Variants in FLOT1 observed in about 807,000 individuals in gnomAD.
FLOT1 encodes flotillin 1, also known as flotillin-1.
In FLOT1, 40 loss-of-function variants were observed where a neutral mutation model predicts 58.4. The ratio of observed to expected loss-of-function variants is 0.69; its 90% CI spans 0.53 to 0.89. The LOEUF (loss-of-function observed/expected upper bound fraction) is 0.89, where lower values mean the gene tolerates loss of function less well. Among genes scored for constraint, FLOT1 ranks in the 40% least tolerant of loss-of-function variants. FLOT1 has a pLI of 0.00. For synonymous variants in FLOT1, 178 were observed against 204.2 expected (o/e 0.87, Z 1.09); for missense variants, 423 against 540.8 (o/e 0.78, Z 2.16).
At chr6:30,732,258 C>T (rs1053804249) in intron 8 of FLOT1, among the ~76,000 whole-genome samples, 7 of 152,078 alleles carry the variant, frequency 4.6e-5, no homozygotes, top group Non-Finnish European at 8.8e-5. Context: ...CATGAGCCAT[C>T]GCACCCAGCC....
chr6:30,736,449 G>A (rs1418684557), intron 8 of FLOT1: 3 of 147,770 alleles, frequency 2.0e-5, no homozygotes, highest in African/African-American at 5.0e-5. Flanking sequence ...ATTTTAGATC[G>A]CGCCACTGCA....
At chr6:30,731,442 G>A (rs1247573951) in intron 8 of FLOT1, among the ~76,000 whole-genome samples, 2 of 136,406 alleles carry the variant, frequency 1.5e-5, no homozygotes, top group South Asian at 2.3e-4. Context: ...CTGGGATCAC[G>A]CCACTGCACT....
In FLOT1 at chr6:30,728,043, TG is replaced by T. The variant is rs1232060713; in HGVS notation, c.*72del. On this transcript the variant is annotated 3_prime_UTR_variant, in exon 13 of 13. Transcript: ENST00000376389. ...CAATGGACATGCTCAGGGAGGCCAG[TG>T]GGTTACATGCAACAGGAGGATCATT... 2 of 1,381,128 alleles carry T rather than the reference TG, an allele frequency of 1.4e-6. No individual in the cohort carries two copies. The highest frequency in any genetic ancestry group is 2.1e-6 in the Non-Finnish European group (2 of 969,232). 85.6% of individuals were successfully genotyped at this position (1,381,128 alleles called of 1,614,324 possible). A position where few individuals can be genotyped will look rare whatever the true frequency, so the allele number is the denominator to read the frequency against.
chr6:30,730,849 G>T (rs1186097316), intron 9 of FLOT1, 70 bp downstream of exon 9: 8 of 1,596,242 alleles, frequency 5.0e-6, no homozygotes, highest in Non-Finnish European at 6.0e-6. Flanking sequence ...GGTGGTGAAG[G>T]CTTCAGCACT....
intron 8 of FLOT1, among the ~76,000 whole-genome samples, chr6:30,736,921 A>G (rs1287596909): frequency 6.6e-6 from 1 of 151,868 alleles, no homozygotes; most frequent in African/African-American, 2.4e-5. Flanking sequence ...CGTTCTCCAC[A>G]AGGCAACCAG....
chr6:30,736,292 G>C (rs1777559048), intron 8 of FLOT1: 2 of 151,832 alleles, frequency 1.3e-5, no homozygotes, highest in Admixed American at 1.3e-4. Context: ...GAGAAGGAAA[G>C]AAAGGAAGAA....
chr6:30,741,278 AG>A lies in FLOT1; in HGVS notation c.265del (p.Leu89TrpfsTer16), dbSNP rs1777958388. 11 of 1,612,968 alleles carry A rather than the reference AG, an allele frequency of 6.8e-6. No homozygotes were observed. Among genetic ancestry groups the A allele is most frequent in the Non-Finnish European group, 9.3e-6 (11 of 1,180,030 alleles). On this transcript the variant is annotated frameshift_variant, in exon 5 of 13. Coordinates refer to ENST00000376389, the MANE Select transcript of FLOT1 (RefSeq NM_005803.4). LOFTEE classifies it high-confidence loss of function. This position sits in a 1 kb window ranked among gnomAD's most constrained non-coding sequence, Gnocchi z 5.9. ...EMLAAACQMFLGKTEAEIAHI... is the reference protein window; with the variant it reads ...EMLAAACQMFXGKTEAEIAHI... ...GGCAATCTCAGCCTCCGTCTTCCCC[AG>A]GAACATCTGACAGGCGGCCGCCAAC...
intron 8 of FLOT1, among the ~76,000 whole-genome samples, chr6:30,732,336 G>C (rs1777262575): frequency 6.6e-6 from 1 of 152,036 alleles, no homozygotes; most frequent in Non-Finnish European, 1.5e-5. Context: ...TGCTAGTGAG[G>C]AGAGGTGCCA....
At position 30,728,283 on chromosome 6, in the gene FLOT1, T is replaced by C. The variant is rs567398213; in HGVS notation, c.1255-138A>G. On this transcript the variant is annotated intron_variant, in intron 12 of 12. Coordinates refer to ENST00000376389, the MANE Select transcript of FLOT1 (RefSeq NM_005803.4). ...GGGTTCTTTCTGGTGCCCTACCACC[T>C]GTTTCCCCAAACAAAGACATCAGGA... 55 of 734,054 alleles carry C rather than the reference T, an allele frequency of 7.5e-5. No homozygotes were observed. The African/African-American group carries it at 9.4e-4, about 13-fold the overall frequency. 45.5% of individuals were successfully genotyped at this position (734,054 alleles called of 1,614,324 possible).
Position 30,741,512 on chromosome 6 carries a change from G to T in FLOT1, c.210+102C>A. The T allele has an allele frequency of 7.9e-7, 1 of 1,260,098 alleles. No individual in the cohort carries two copies. The highest frequency in any genetic ancestry group is 1.1e-6 in the Non-Finnish European group (1 of 869,576). The allele number at this position is 1,260,098 out of a possible 1,614,324, so 78.1% of individuals were successfully genotyped here. On this transcript the variant is annotated intron_variant, in intron 4 of 12. Transcript: ENST00000376389. This position sits in a 1 kb window ranked among gnomAD's most constrained non-coding sequence, Gnocchi z 5.9. ...ATGAGACTAGCAGAGGAACTTCTCT[G>T]CAGGCAAGGGTTGAGAAGACTGTGG...
chr6:30,732,380 C>T (rs1777265753), intron 8 of FLOT1, among the ~76,000 whole-genome samples: 1 of 151,912 alleles, frequency 6.6e-6, no homozygotes, highest in Non-Finnish European at 1.5e-5. Context: ...CTTTTTGAGA[C>T]ATCATCTTAC....
Position 30,737,684 on chromosome 6 carries a change from C to A in FLOT1, c.723+2474G>T, listed in dbSNP as rs372898317. On this transcript the variant is annotated intron_variant, in intron 8 of 12. Transcript: ENST00000376389. This position sits in a 1 kb window ranked among gnomAD's most constrained non-coding sequence, Gnocchi z 4.4. ...TTCCTCATAGAAACTTTCTCTACCA[C>A]CCGCTAACCTAATATACTAACTCCC... Among the ~76,000 whole-genome samples, 24 of 152,320 alleles carry A rather than the reference C, an allele frequency of 1.6e-4. 2 individuals are homozygous for A. Among genetic ancestry groups the A allele is most frequent in the East Asian group, 1.2e-3 (6 of 5,190 alleles).
chr6:30,730,132 A>G lies in FLOT1; in HGVS notation c.1144T>C (p.Ser382Pro). 1 of 1,613,014 alleles carries G rather than the reference A, an allele frequency of 6.2e-7. No homozygotes were observed. Among genetic ancestry groups the G allele is most frequent in the Non-Finnish European group, 8.5e-7 (1 of 1,179,980 alleles). Residue 382 changes from serine (S) to proline (P), a missense_variant, in exon 12 of 13, where the codon TCC (serine) becomes CCC (proline). Physicochemically the swap from Ser to Pro is moderately conservative, Grantham distance 74. Around this residue, in one of 6 missense-constraint regions of FLOT1, gnomAD observed 42 missense variants for 74.4 expected, o/e 0.56. Transcript: ENST00000376389. ...LTSANKITLV[S>P]SGSGTMGAAK... Reference sequence around the variant, plus strand: ...GCCCCCATGGTCCCACTGCCGCTGGACACCAGTGTGATCTTATTGGCTGAA... The same window carrying G: ...GCCCCCATGGTCCCACTGCCGCTGGGCACCAGTGTGATCTTATTGGCTGAA...
chr6:30,731,378 G>C (rs1235903701), intron 8 of FLOT1, among the ~76,000 whole-genome samples: 1 of 151,722 alleles, frequency 6.6e-6, no homozygotes, highest in Non-Finnish European at 1.5e-5. Context: ...CCAGCCACCC[G>C]GGAGGCTGAG....
At chr6:30,740,943 T>G in intron 5 of FLOT1, 145 bp from the exon 6 acceptor site, 1 of 1,219,270 alleles carries the variant, frequency 8.2e-7, no homozygotes, top group Non-Finnish European at 1.1e-6. Flanking sequence ...CCCATCACCA[T>G]ACCCAGCTAA....
chr6:30,731,126 C>G (rs755855718), intron 8 of FLOT1, 26 bp from the exon 9 acceptor site: 2 of 1,577,498 alleles, frequency 1.3e-6, no homozygotes, highest in Non-Finnish European at 1.7e-6. Flanking sequence ...AAGTCAGGTT[C>G]ACGCTCTGAG....
At chr6:30,729,231 A>G (rs180854658) in intron 12 of FLOT1, among the ~76,000 whole-genome samples, 1 of 151,214 alleles carries the variant, frequency 6.6e-6, no homozygotes, top group East Asian at 1.9e-4. Flanking sequence ...TGCACCACCA[A>G]GCCTGGCTAA....
chr6:30,731,486 A>T (rs1777195065), intron 8 of FLOT1, among the ~76,000 whole-genome samples: 2 of 55,592 alleles, frequency 3.6e-5, no homozygotes, highest in East Asian at 2.5e-3. Flanking sequence ...CTCCATCTCC[A>T]AAAAAAAAAA....
At chr6:30,730,807 C>T (rs1777123485) in intron 9 of FLOT1, 80 bp from the exon 10 acceptor site, 4 of 1,606,176 alleles carry the variant, frequency 2.5e-6, no homozygotes, top group South Asian at 1.1e-5. Flanking sequence ...CAGAGGCAGA[C>T]GCTCCTGAAA....
Sources: gnomAD v4.1 joint callset for allele counts (sites outside exome capture counted in the v4.1 genomes callset) on GRCh38, gnomAD v4.1.1 for gene constraint, gnomAD v4.1.1 regional missense constraint, Gnocchi (gnomAD v3.1) non-coding constraint, MANE v1.5 for transcripts, NCBI Gene and HGNC (gene_info 2026-07-23, HGNC 2026-07-21) for gene names.